Variants in NPAS3 observed in about 807,000 individuals in gnomAD.
The protein encoded by NPAS3 is neuronal PAS domain protein 3.
Under a neutral mutation model 73.1 loss-of-function variants are expected in NPAS3, and 14 were observed. The ratio of observed to expected loss-of-function variants is 0.19; its 90% CI spans 0.13 to 0.30. The LOEUF is 0.30. Ranked by LOEUF, NPAS3 falls within the 10% of genes least tolerant of loss-of-function variation. The pLI is 1.00. For missense variants in NPAS3, 1,096 were observed against 1,250.0 expected, an observed-to-expected ratio of 0.88 and a Z score of 1.86; for synonymous variants, 620 against 541.5, an observed-to-expected ratio of 1.14 and a Z score of -2.01.
chr14:33,413,819 G>T (rs1357825897), intron 4 of NPAS3, among the ~76,000 whole-genome samples: 1 of 152,070 alleles, frequency 6.6e-6, no homozygotes, highest in Non-Finnish European at 1.5e-5. Flanking sequence ...CTACTTGATT[G>T]ACCTAATCAA....
intron 6 of NPAS3, among the ~76,000 whole-genome samples, chr14:33,722,000 GA>G (rs572101077): frequency 9.8e-4 from 149 of 152,292 alleles, no homozygotes; most frequent in African/African-American, 3.4e-3. Context: ...TAAATACCTG[GA>G]GTCCCTGCTG....
intron 2 of NPAS3, among the ~76,000 whole-genome samples, chr14:33,112,767 CTA>C (rs2138976772): frequency 6.6e-6 from 1 of 152,264 alleles, no homozygotes; most frequent in South Asian, 2.1e-4. Flanking sequence ...ATGGTATTGC[CTA>C]TGTTTTCTTC....
At chr14:33,260,169 G>A (rs887907879) in intron 3 of NPAS3, among the ~76,000 whole-genome samples, 2 of 152,128 alleles carry the variant, frequency 1.3e-5, no homozygotes, top group Non-Finnish European at 2.9e-5. Context: ...TCCCAAAGGA[G>A]TAACGTTACT....
At chr14:33,687,166 G>T (rs1238878639) in intron 6 of NPAS3, among the ~76,000 whole-genome samples, 1 of 152,112 alleles carries the variant, frequency 6.6e-6, no homozygotes, top group East Asian at 1.9e-4. Context: ...AACTATGGAG[G>T]TCTTAAGCTT....
intron 1 of NPAS3, among the ~76,000 whole-genome samples, chr14:33,029,858 T>C (rs2039930282): frequency 6.6e-6 from 1 of 152,236 alleles, no homozygotes; most frequent in Non-Finnish European, 1.5e-5. Flanking sequence ...GACTACATCC[T>C]TAAAATATTT....
chr14:33,111,577 G>C (rs1323808965), intron 2 of NPAS3, among the ~76,000 whole-genome samples: 1 of 151,684 alleles, frequency 6.6e-6, no homozygotes, highest in Non-Finnish European at 1.5e-5. Context: ...AAATAAAAGA[G>C]ATGTGTTAGT....
upstream of NPAS3, among the ~76,000 whole-genome samples, chr14:32,938,729 G>A (rs1458155036): frequency 3.3e-5 from 5 of 150,690 alleles, no homozygotes; most frequent in African/African-American, 4.8e-5. Flanking sequence ...GGTAGAAAGG[G>A]GTGACGGGGG....
intron 2 of NPAS3, among the ~76,000 whole-genome samples, chr14:33,114,554 A>G (rs572842272): frequency 7.9e-5 from 12 of 152,264 alleles, no homozygotes; most frequent in African/African-American, 1.9e-4. Flanking sequence ...GGTACTTCTT[A>G]TAAGAGTCAT....
intron 4 of NPAS3, among the ~76,000 whole-genome samples, chr14:33,442,737 A>G (rs974780907): frequency 6.6e-6 from 1 of 152,236 alleles, no homozygotes; most frequent in African/African-American, 2.4e-5. Context: ...TCAATTAAAC[A>G]TCTTTATTTT....
chr14:33,593,380 A>G (rs2057135079), intron 5 of NPAS3, among the ~76,000 whole-genome samples: 1 of 152,232 alleles, frequency 6.6e-6, no homozygotes, highest in Non-Finnish European at 1.5e-5. Context: ...AGCACCCATC[A>G]TAGTGCATGA....
chr14:33,783,423 A>G (rs2063042296), intron 9 of NPAS3, among the ~76,000 whole-genome samples: 1 of 152,136 alleles, frequency 6.6e-6, no homozygotes, highest in South Asian at 2.1e-4. Context: ...GAAAATTCCC[A>G]TGAAAGGAAA....
intron 3 of NPAS3, among the ~76,000 whole-genome samples, chr14:33,226,169 C>T (rs574505110): frequency 2.9e-4 from 44 of 152,260 alleles, no homozygotes; most frequent in African/African-American, 1.1e-3. Context: ...TTTAATATAG[C>T]AAATGATCCA....
At chr14:33,154,592 A>G (rs1171668034) in intron 2 of NPAS3, among the ~76,000 whole-genome samples, 1 of 152,222 alleles carries the variant, frequency 6.6e-6, no homozygotes, top group Non-Finnish European at 1.5e-5. Flanking sequence ...ATTTAAAATC[A>G]TTCATCTTTT....
At chr14:33,376,159 T>G (rs2046304563) in intron 4 of NPAS3, among the ~76,000 whole-genome samples, 1 of 152,178 alleles carries the variant, frequency 6.6e-6, no homozygotes, top group Non-Finnish European at 1.5e-5. Flanking sequence ...TTCCCTATAT[T>G]GTACTGCCTT....
At chr14:33,459,445 T>G (rs1047756280) in intron 4 of NPAS3, among the ~76,000 whole-genome samples, 1 of 152,212 alleles carries the variant, frequency 6.6e-6, no homozygotes, top group East Asian at 1.9e-4. Context: ...AGTCTGCACA[T>G]TTAGTTGATT....
At chr14:33,313,633 G>A (rs1245663442) in intron 3 of NPAS3, among the ~76,000 whole-genome samples, 1 of 152,044 alleles carries the variant, frequency 6.6e-6, no homozygotes, top group Non-Finnish European at 1.5e-5. Context: ...ACAGCAATAG[G>A]TATTTGCGGC....
At chr14:33,205,236 A>G (rs920269946) in intron 2 of NPAS3, among the ~76,000 whole-genome samples, 69 of 152,258 alleles carry the variant, frequency 4.5e-4, no homozygotes, top group African/African-American at 1.6e-3. Flanking sequence ...TTTATAAACT[A>G]GTTATTGTTG....
intron 4 of NPAS3, among the ~76,000 whole-genome samples, chr14:33,374,610 T>C (rs1566844327): frequency 6.6e-6 from 1 of 151,818 alleles, no homozygotes; most frequent in Non-Finnish European, 1.5e-5. Flanking sequence ...ACCCAGCCAA[T>C]TGTAGAAGAC....
intron 3 of NPAS3, among the ~76,000 whole-genome samples, chr14:33,285,110 T>C (rs1466272282): frequency 3.3e-5 from 5 of 152,122 alleles, no homozygotes; most frequent in African/African-American, 9.7e-5. Context: ...ATATGGAAAA[T>C]GAGAACATAC....
Sources: gnomAD v4.1 joint callset for allele counts (sites outside exome capture counted in the v4.1 genomes callset) on GRCh38, gnomAD v4.1.1 for gene constraint, MANE v1.5 for transcripts, NCBI Gene and HGNC (gene_info 2026-07-23, HGNC 2026-07-21) for gene names.